KCNG2: variants seen among roughly 807,000 people sequenced by gnomAD.
KCNG2 encodes potassium voltage-gated channel modifier subfamily G member 2, also known as voltage-gated potassium channel regulatory subunit KCNG2.
In KCNG2, 7 loss-of-function variants were observed where a neutral mutation model predicts 12.3. That is an observed-to-expected ratio of 0.57 (90% CI 0.32 to 1.07). The LOEUF is 1.07. Among genes scored for constraint, KCNG2 ranks in the 50% least tolerant of loss-of-function variants. The pLI is 0.04. For synonymous variants in KCNG2, 414 were observed against 351.4 expected (o/e 1.18, Z -1.99); for missense variants, 703 against 726.0 (o/e 0.97, Z 0.36).
intron 1 of KCNG2, among the ~76,000 whole-genome samples, chr18:79,825,721 G>A (rs1475929466): frequency 2.6e-5 from 4 of 152,160 alleles, no homozygotes; most frequent in Non-Finnish European, 4.4e-5. Context: ...GTAAAAACCC[G>A]TCAGATGTGA....
At position 79,887,986 on chromosome 18, in the gene KCNG2, CAG is replaced by C. The variant is rs538691593; in HGVS notation, c.625-11052_625-11051del. On this transcript the variant is annotated intron_variant, in intron 3 of 3. Coordinates refer to ENST00000316249, the MANE Select transcript of KCNG2 (RefSeq NM_012283.2). ...GCTCACAGGGTAATAGCCTTGGAGA[CAG>C]ATGGTGAAGGCCACACAACATTCTG... 4.5e-3 allele frequency among the ~76,000 whole-genome samples: 679 copies of C among 152,326 alleles called. 5 individuals are homozygous for C. The highest frequency in any genetic ancestry group is 0.015 in the African/African-American group (629 of 41,562).
intron 1 of KCNG2, among the ~76,000 whole-genome samples, chr18:79,814,677 T>C (rs767811537): frequency 2.6e-5 from 4 of 152,246 alleles, no homozygotes; most frequent in Non-Finnish European, 4.4e-5. Flanking sequence ...GAGGCCACCA[T>C]TGGCGGAAAC....
chr18:79,821,890 A>C (rs1484319657), intron 1 of KCNG2, among the ~76,000 whole-genome samples: 2 of 152,156 alleles, frequency 1.3e-5, no homozygotes, highest in Non-Finnish European at 2.9e-5. Context: ...CTTTTTCAAA[A>C]TTGTATTGAC....
At position 79,884,136 on chromosome 18, in the gene KCNG2, G is replaced by A. The variant is rs571180648; in HGVS notation, c.625-14904G>A. Among the ~76,000 whole-genome samples the A allele has an allele frequency of 1.4e-3, 217 of 152,156 alleles. 1 individual carries two copies. Among genetic ancestry groups the A allele is most frequent in the African/African-American group, 5.1e-3 (211 of 41,494 alleles). On this transcript the variant is annotated intron_variant, in intron 3 of 3. Transcript: ENST00000316249. This position sits in a 1 kb window ranked among gnomAD's most constrained non-coding sequence, Gnocchi z 5.5. ...GCCTGCAATTTCCGTGGCACAGGCC[G>A]ACCTCTCTCTGCCAGCACGAAGCCA... is the stretch of plus-strand genomic sequence containing the variant.
At chr18:79,861,403 C>T (rs1043429767) in intron 2 of KCNG2, among the ~76,000 whole-genome samples, 6 of 151,692 alleles carry the variant, frequency 4.0e-5, no homozygotes, top group South Asian at 2.1e-4. Flanking sequence ...CTCAGCCTCC[C>T]GAGTAGCTGG....
intron 1 of KCNG2, among the ~76,000 whole-genome samples, chr18:79,832,391 T>A (rs1357014744): frequency 6.7e-6 from 1 of 149,084 alleles, no homozygotes; most frequent in Admixed American, 6.7e-5. Flanking sequence ...CTGCCCATCC[T>A]CACCTGCTCT....
At chr18:79,843,678 ATATTT>A (rs1455973019) in intron 1 of KCNG2, among the ~76,000 whole-genome samples, 1 of 152,228 alleles carries the variant, frequency 6.6e-6, no homozygotes, top group Admixed American at 6.5e-5. Flanking sequence ...CAACTAAAAG[ATATTT>A]TATGTATGCC....
At chr18:79,828,819 CGTGT>C (rs759976134) in intron 1 of KCNG2, among the ~76,000 whole-genome samples, 2 of 92,302 alleles carry the variant, frequency 2.2e-5, no homozygotes, top group Admixed American at 2.4e-4. Flanking sequence ...TCTATGTGTG[CGTGT>C]GTGTAACATG....
intron 1 of KCNG2, among the ~76,000 whole-genome samples, chr18:79,834,096 T>C (rs528293302): frequency 1.3e-5 from 2 of 152,306 alleles, no homozygotes; most frequent in East Asian, 1.9e-4. Context: ...TTAAAACCCC[T>C]TCACGTTAAA....
chr18:79,804,635 G>A (rs1236335341), intron 1 of KCNG2, among the ~76,000 whole-genome samples: 2 of 152,236 alleles, frequency 1.3e-5, no homozygotes, highest in Non-Finnish European at 2.9e-5. Context: ...GTGAACCGTG[G>A]TTGTCGGCCT....
chr18:79,888,889 G>T (rs941276699), intron 3 of KCNG2, among the ~76,000 whole-genome samples: 33 of 152,142 alleles, frequency 2.2e-4, no homozygotes, highest in South Asian at 8.3e-4. Flanking sequence ...ATGTTACTCA[G>T]GCTGGTCTCG....
At chr18:79,804,386 G>A (rs1371064415) in intron 1 of KCNG2, among the ~76,000 whole-genome samples, 2 of 152,202 alleles carry the variant, frequency 1.3e-5, no homozygotes, top group Non-Finnish European at 2.9e-5. Context: ...GGCTCCAGGG[G>A]GGACTCAGCA....
rs765045434 is a variant in KCNG2, at chr18:79,863,850, C to T, written c.183C>T (p.Asp61=). The T allele has an allele frequency of 2.7e-6, 4 of 1,467,154 alleles. No individual in the cohort carries two copies. In the East Asian group the frequency reaches 1.2e-4, roughly 44 times the overall value. The allele number at this position is 1,467,154 out of a possible 1,614,324, so 90.9% of individuals were successfully genotyped here. A position where few individuals can be genotyped will look rare whatever the true frequency, so the allele number is the denominator to read the frequency against. ...ACGACCTGCTGCGCGTGTGTGACGA[C>T]TACGACGTGAGCCGCGACGAGTTCT... The part of the protein sequence containing the change: ...GHDDLLRVCD[D]YDVSRDEFFF... The change falls in exon 3 of 4, where the codon GAC becomes GAT. Residue 61 remains aspartate, a synonymous_variant. Transcript: ENST00000316249.
chr18:79,801,521 C>T (rs1315053528), intron 1 of KCNG2, among the ~76,000 whole-genome samples: 2 of 152,246 alleles, frequency 1.3e-5, no homozygotes, highest in South Asian at 2.1e-4. Flanking sequence ...CCCGGGAGCC[C>T]TCCGAGGCAG....
At chr18:79,828,570 T>C (rs1393903271) in intron 1 of KCNG2, among the ~76,000 whole-genome samples, 1 of 152,062 alleles carries the variant, frequency 6.6e-6, no homozygotes, top group African/African-American at 2.4e-5. Context: ...TGTGTGCATG[T>C]CTGTGTGCAT....
rs509568 is a variant in KCNG2 at position 79,800,878 on chromosome 18, A to T, written c.-115+2864A>T. Among the ~76,000 whole-genome samples the T allele has an allele frequency of 0.5, 76,610 of 151,756 alleles. 19,540 individuals carry two copies. Among genetic ancestry groups the T allele is most frequent in the South Asian group, 0.66 (3,203 of 4,824 alleles). ...AATGGGTCCCCGGCGGGGCCAGGAG[A>T]ACACCCAGACTCATGGAATTGCTAA... On this transcript the variant is annotated intron_variant, in intron 1 of 3. Coordinates refer to ENST00000316249, the MANE Select transcript of KCNG2 (RefSeq NM_012283.2). This position sits in a 1 kb window ranked among gnomAD's most constrained non-coding sequence, Gnocchi z 4.0.
At chr18:79,846,111 G>T (rs1263610814) in intron 1 of KCNG2, among the ~76,000 whole-genome samples, 1 of 150,708 alleles carries the variant, frequency 6.6e-6, no homozygotes, top group African/African-American at 2.4e-5. Flanking sequence ...GGTGGCTCAC[G>T]CCTGTAATCC....
At chr18:79,861,018 T>G (rs1979196533) in intron 2 of KCNG2, among the ~76,000 whole-genome samples, 1 of 152,216 alleles carries the variant, frequency 6.6e-6, no homozygotes, top group Non-Finnish European at 1.5e-5. Context: ...GTTTTTTGTT[T>G]AATCAGGAAA....
intron 1 of KCNG2, among the ~76,000 whole-genome samples, chr18:79,823,180 G>A (rs983651256): frequency 1.3e-5 from 2 of 152,180 alleles, no homozygotes; most frequent in African/African-American, 4.8e-5. Context: ...GTCATCTCGT[G>A]GCAGGCCTTA....
Sources: gnomAD v4.1 joint callset for allele counts (sites outside exome capture counted in the v4.1 genomes callset) on GRCh38, gnomAD v4.1.1 for gene constraint, Gnocchi (gnomAD v3.1) non-coding constraint, MANE v1.5 for transcripts, NCBI Gene and HGNC (gene_info 2026-07-23, HGNC 2026-07-21) for gene names.